TTC28: variants seen among roughly 807,000 people sequenced by gnomAD.
TTC28 encodes the protein tetratricopeptide repeat protein 28.
Under a neutral mutation model 198.0 loss-of-function variants are expected in TTC28, and 61 were observed. The observed-to-expected ratio is 0.31, with a 90% CI of 0.25 to 0.38. The LOEUF (loss-of-function observed/expected upper bound fraction) is 0.38, where lower values mean the gene tolerates loss of function less well. TTC28 is among the 10% of genes least tolerant of loss of function. TTC28 has a pLI of 1.00. For synonymous variants in TTC28, 1,171 were observed against 1,297.8 expected, an observed-to-expected ratio of 0.90 and a Z score of 2.10; for missense variants, 2,678 against 3,164.0, an observed-to-expected ratio of 0.85 and a Z score of 3.69.
chr22:28,331,319 A>C (rs1046057017), intron 2 of TTC28, among the ~76,000 whole-genome samples: 4 of 152,138 alleles, frequency 2.6e-5, no homozygotes, highest in African/African-American at 9.6e-5. Context: ...CCTTTTAAAA[A>C]AGTATATATA....
intron 2 of TTC28, among the ~76,000 whole-genome samples, chr22:28,564,860 T>A (rs893875058): frequency 3.4e-5 from 5 of 147,628 alleles, no homozygotes; most frequent in African/African-American, 9.8e-5. Context: ...TTATATATAT[T>A]TTATATATAA....
chr22:28,068,173 C>G (rs1158822002), intron 12 of TTC28, among the ~76,000 whole-genome samples: 1 of 152,098 alleles, frequency 6.6e-6, no homozygotes, highest in African/African-American at 2.4e-5. Context: ...AAGAGCTTAT[C>G]CACAGTAAAT....
chr22:28,604,095 T>C (rs1474755875), intron 2 of TTC28, among the ~76,000 whole-genome samples: 1 of 151,582 alleles, frequency 6.6e-6, no homozygotes, highest in Non-Finnish European at 1.5e-5. Context: ...CTGGCCAACG[T>C]GGCGAAACCC....
intron 2 of TTC28, among the ~76,000 whole-genome samples, chr22:28,465,537 T>C (rs1246439637): frequency 1.3e-5 from 2 of 151,754 alleles, no homozygotes; most frequent in African/African-American, 4.8e-5. Flanking sequence ...AGCAGGAGAA[T>C]CGCTTGAACC....
At chr22:28,625,847 C>T (rs2051069908) in intron 2 of TTC28, among the ~76,000 whole-genome samples, 1 of 152,094 alleles carries the variant, frequency 6.6e-6, no homozygotes, top group African/African-American at 2.4e-5. Context: ...GATATATACA[C>T]AGAAATCAGT....
chr22:27,983,608 C>G lies in TTC28; in HGVS notation c.6059G>C (p.Arg2020Pro). Reference sequence around the variant, plus strand: ...GTTCTTGGACCGGTCATGGTCCTGCCGTCCTCCGGGGCCTCCACCCTCTGA... The same window carrying G: ...GTTCTTGGACCGGTCATGGTCCTGCGGTCCTCCGGGGCCTCCACCCTCTGA... ...GGSEGGGPGG[R>P]QDHDRSKNAY... is the part of the protein sequence containing the mutation. Residue 2020 changes from arginine to proline, a missense_variant, in exon 23 of 23, where the codon CGG becomes CCG. By Grantham distance (103) the Arg-to-Pro change is moderately radical. Coordinates refer to ENST00000397906, the MANE Select transcript of TTC28 (RefSeq NM_001145418.2). The G allele has an allele frequency of 3.2e-6, 5 of 1,546,384 alleles. No individual in the cohort carries two copies. The highest frequency in any genetic ancestry group is 4.4e-6 in the Non-Finnish European group (5 of 1,144,720).
At position 28,654,582 on chromosome 22, in the gene TTC28, C is replaced by A. The variant is rs574639136; in HGVS notation, c.103-24752G>T. On this transcript the variant is annotated intron_variant, in intron 1 of 22. Transcript: ENST00000397906. ...ATCTCAGGTAATCCACCCGCCTCGG[C>A]CTCCCAAAGTGCTGGGATTACAGGC... is the stretch of plus-strand genomic sequence containing the variant. Among the ~76,000 whole-genome samples, 19 of 152,336 alleles carry A rather than the reference C, an allele frequency of 1.2e-4. No individual in the cohort carries two copies. In the South Asian group the frequency reaches 3.9e-3, roughly 32 times the overall value.
chr22:28,292,440 G>A (rs1207976626), intron 5 of TTC28, among the ~76,000 whole-genome samples: 3 of 151,904 alleles, frequency 2.0e-5, no homozygotes, highest in Non-Finnish European at 2.9e-5. Context: ...TGCCCACCTC[G>A]GCCTCCAACT....
At chr22:28,562,097 C>T (rs904153636) in intron 2 of TTC28, among the ~76,000 whole-genome samples, 5 of 152,216 alleles carry the variant, frequency 3.3e-5, no homozygotes, top group African/African-American at 9.6e-5. Context: ...GTGAATTAGA[C>T]ACTTAGATCA....
intron 12 of TTC28, among the ~76,000 whole-genome samples, chr22:28,088,195 G>T (rs776553514): frequency 1.3e-5 from 2 of 152,084 alleles, no homozygotes; most frequent in Non-Finnish European, 2.9e-5. Flanking sequence ...AAAAGAGCCC[G>T]CATTGCCAAG....
intron 2 of TTC28, among the ~76,000 whole-genome samples, chr22:28,589,308 C>CT (rs1476848707): frequency 6.6e-6 from 1 of 152,148 alleles, no homozygotes; most frequent in Non-Finnish European, 1.5e-5. Flanking sequence ...GAAATGGAGT[C>CT]ACTCATGTTT....
In TTC28 at chr22:28,163,489, T is replaced by A. The variant is rs899710751; in HGVS notation, c.1044A>T (p.Lys348Asn). 1 of 1,551,644 alleles carries A rather than the reference T, an allele frequency of 6.4e-7. No individual in the cohort carries two copies. Among genetic ancestry groups the A allele is most frequent in the African/African-American group, 1.4e-5 (1 of 73,030 alleles). ...GTTCTCGGGCTTCAGAAAGTTCATCTTTGGATTGCTTGGCAAGAAGAACAC... is the reference window on the plus strand; with the variant it reads ...GTTCTCGGGCTTCAGAAAGTTCATCATTGGATTGCTTGGCAAGAAGAACAC... ...KQCVLLAKQS[K>N]DELSEARELG... Residue 348 changes from lysine (K) to asparagine (N), a missense_variant, in exon 6 of 23, where the codon AAA (lysine) becomes AAT (asparagine). Around this residue, in one of 8 missense-constraint regions of TTC28, gnomAD observed 775 missense variants for 845.9 expected, o/e 0.92. Coordinates refer to ENST00000397906, the MANE Select transcript of TTC28 (RefSeq NM_001145418.2).
chr22:28,054,634 C>T (rs148911102), intron 12 of TTC28, among the ~76,000 whole-genome samples: 1,560 of 152,208 alleles, frequency 0.01, 30 homozygotes, highest in African/African-American at 0.035. Context: ...ACACAGCCAA[C>T]GCCCTCCCTG....
At chr22:28,297,925 C>T (rs747481170) in intron 3 of TTC28, 73 bp from the exon 4 acceptor site, 49 of 1,443,726 alleles carry the variant, frequency 3.4e-5, no homozygotes, top group Middle Eastern at 2.4e-4. Context: ...TTTTCTAATA[C>T]GCTCTAGAAA....
At chr22:28,563,503 G>C (rs2049923598) in intron 2 of TTC28, among the ~76,000 whole-genome samples, 1 of 152,066 alleles carries the variant, frequency 6.6e-6, no homozygotes, top group Non-Finnish European at 1.5e-5. Flanking sequence ...CAAAACCAAA[G>C]ATTAATCCAA....
chr22:28,537,827 A>G (rs2049329094), intron 2 of TTC28, among the ~76,000 whole-genome samples: 2 of 152,172 alleles, frequency 1.3e-5, no homozygotes, highest in African/African-American at 4.8e-5. Flanking sequence ...CTCTATAAAT[A>G]CACATAGAAA....
rs533228179 is a variant in TTC28, at chr22:28,176,984, T to C, written c.934-13385A>G. ...AGAGAAAATCTACATGACCTTTATA[T>C]ATAAGACCAAAAATATGTTCAATGA... On this transcript the variant is annotated intron_variant, in intron 5 of 22. Transcript: ENST00000397906. Among the ~76,000 whole-genome samples the C allele has an allele frequency of 3.3e-5, 5 of 152,310 alleles. No homozygotes were observed. The East Asian group carries it at 5.8e-4, about 18-fold the overall frequency.
intron 2 of TTC28, among the ~76,000 whole-genome samples, chr22:28,589,149 G>A (rs1043023228): frequency 1.3e-5 from 2 of 152,138 alleles, no homozygotes; most frequent in African/African-American, 4.8e-5. Context: ...TCTAAAGATA[G>A]AACTACCAGT....
chr22:28,582,337 T>G (rs1049728165), intron 2 of TTC28, among the ~76,000 whole-genome samples: 3 of 152,014 alleles, frequency 2.0e-5, no homozygotes, highest in Admixed American at 2.0e-4. Flanking sequence ...ATAGATTATG[T>G]CTCACAGAGG....
Sources: gnomAD v4.1 joint callset for allele counts (sites outside exome capture counted in the v4.1 genomes callset) on GRCh38, gnomAD v4.1.1 for gene constraint, gnomAD v4.1.1 regional missense constraint, MANE v1.5 for transcripts, NCBI Gene and HGNC (gene_info 2026-07-23, HGNC 2026-07-21) for gene names.